SLC9A9: variants seen among roughly 807,000 people sequenced by gnomAD.
SLC9A9 encodes sodium/hydrogen exchanger 9.
A neutral mutation model predicts 77.8 loss-of-function variants in SLC9A9; 62 were observed. The observed-to-expected ratio is 0.80, with a 90% CI of 0.65 to 0.98. The LOEUF (loss-of-function observed/expected upper bound fraction) is 0.98, where lower values mean the gene tolerates loss of function less well. Among genes scored for constraint, SLC9A9 ranks in the 50% least tolerant of loss-of-function variants. The pLI is 0.00. For missense variants in SLC9A9, 775 were observed against 774.9 expected, an observed-to-expected ratio of 1.00 and a Z score of 0.00; for synonymous variants, 320 against 283.5, an observed-to-expected ratio of 1.13 and a Z score of -1.29.
intron 1 of SLC9A9, among the ~76,000 whole-genome samples, chr3:143,840,161 C>A (rs970805474): frequency 1.3e-5 from 2 of 152,214 alleles, no homozygotes; most frequent in African/African-American, 4.8e-5. Flanking sequence ...GGGCTGTGAA[C>A]TACATATTTG....
At chr3:143,571,530 T>C (rs538875484) in intron 8 of SLC9A9, among the ~76,000 whole-genome samples, 94 of 152,262 alleles carry the variant, frequency 6.2e-4, no homozygotes, top group African/African-American at 2.2e-3. Flanking sequence ...ACACTGTCCA[T>C]TCTGGTGTTC....
chr3:143,712,573 T>A (rs547260996), intron 4 of SLC9A9, among the ~76,000 whole-genome samples: 165 of 150,596 alleles, frequency 1.1e-3, no homozygotes, highest in African/African-American at 3.8e-3. Flanking sequence ...AGCTGTTTCT[T>A]CTTTTCCTCC....
intron 9 of SLC9A9, among the ~76,000 whole-genome samples, chr3:143,530,706 G>A (rs1348450654): frequency 6.6e-6 from 1 of 152,172 alleles, no homozygotes; most frequent in African/African-American, 2.4e-5. Context: ...AATAGTTTTT[G>A]CAACATGAAG....
At chr3:143,463,485 G>T (rs1454956555) in intron 12 of SLC9A9, among the ~76,000 whole-genome samples, 1 of 152,154 alleles carries the variant, frequency 6.6e-6, no homozygotes, top group Non-Finnish European at 1.5e-5. Context: ...GCTTTTGTAG[G>T]GCAAAGCCTA....
At chr3:143,353,614 TA>T (rs990778757) in intron 14 of SLC9A9, among the ~76,000 whole-genome samples, 1 of 152,100 alleles carries the variant, frequency 6.6e-6, no homozygotes, top group Non-Finnish European at 1.5e-5. Context: ...CTGAACAAAC[TA>T]AAAAAACACT....
chr3:143,407,535 C>T (rs142593014), intron 12 of SLC9A9, among the ~76,000 whole-genome samples: 17 of 152,232 alleles, frequency 1.1e-4, no homozygotes, highest in African/African-American at 3.9e-4. Context: ...AAGAACATAT[C>T]CATTATCCTT....
intron 9 of SLC9A9, among the ~76,000 whole-genome samples, chr3:143,523,645 TG>T (rs1339513768): frequency 6.6e-6 from 1 of 152,158 alleles, no homozygotes; most frequent in Non-Finnish European, 1.5e-5. Flanking sequence ...ATACCTACTG[TG>T]CAAACTTGTT....
intron 14 of SLC9A9, among the ~76,000 whole-genome samples, chr3:143,332,265 G>T (rs1162446336): frequency 6.6e-6 from 1 of 151,574 alleles, no homozygotes; most frequent in Non-Finnish European, 1.5e-5. Flanking sequence ...CTGAGCCCAG[G>T]CCAACCCTTG....
At chr3:143,329,694 C>A (rs1228644273) in intron 14 of SLC9A9, among the ~76,000 whole-genome samples, 1 of 152,134 alleles carries the variant, frequency 6.6e-6, no homozygotes, top group Admixed American at 6.5e-5. Context: ...CCATTCATCT[C>A]CCTAGCTGCT....
chr3:143,567,926 T>A (rs576255434), intron 8 of SLC9A9, among the ~76,000 whole-genome samples: 32 of 152,192 alleles, frequency 2.1e-4, no homozygotes, highest in Non-Finnish European at 3.7e-4. Flanking sequence ...CTAGAGGCTG[T>A]GCCGTCTTTG....
intron 2 of SLC9A9, among the ~76,000 whole-genome samples, chr3:143,799,334 A>G (rs144417543): frequency 4.4e-4 from 67 of 152,308 alleles, no homozygotes; most frequent in African/African-American, 1.5e-3. Context: ...TTCGAAAATT[A>G]AATTCCAGCT....
chr3:143,732,890 C>T (rs548106884), intron 4 of SLC9A9, among the ~76,000 whole-genome samples: 50 of 152,288 alleles, frequency 3.3e-4, no homozygotes, highest in African/African-American at 1.1e-3. Flanking sequence ...TCAGTCGCAA[C>T]ATAAGGCTGT....
intron 6 of SLC9A9, among the ~76,000 whole-genome samples, chr3:143,622,829 T>TAA (rs748198429): frequency 0.014 from 2,083 of 151,634 alleles, 43 homozygotes; most frequent in African/African-American, 0.047. Context: ...GCAAATTTGA[T>TAA]AGAGTCAAGA....
chr3:143,809,048 TG>T (rs1488180630), intron 2 of SLC9A9, among the ~76,000 whole-genome samples: 2 of 152,248 alleles, frequency 1.3e-5, no homozygotes, highest in Non-Finnish European at 2.9e-5. Flanking sequence ...ACACCATTAT[TG>T]ATCTATTTTT....
chr3:143,848,185 G>A lies in SLC9A9; in HGVS notation c.138C>T (p.Phe46=). 1 of 1,614,004 alleles carries A rather than the reference G, an allele frequency of 6.2e-7. No homozygotes were observed. Among genetic ancestry groups the A allele is most frequent in the Non-Finnish European group, 8.5e-7 (1 of 1,179,926 alleles). Residue 46 remains phenylalanine (F), a synonymous_variant, in exon 1 of 16, where the codon TTC becomes TTT. Transcript: ENST00000316549. Reference sequence around the variant, plus strand: ...CTCCTCCAGTTTCATGCAAGAAGCGGAATCGATGATTTTTAAATAACCAGA... The same window carrying A: ...CTCCTCCAGTTTCATGCAAGAAGCGAAATCGATGATTTTTAAATAACCAGA... ...LTIWLFKNHR[F]RFLHETGGAM...
At chr3:143,510,120 G>A (rs1004583629) in intron 9 of SLC9A9, among the ~76,000 whole-genome samples, 2 of 152,186 alleles carry the variant, frequency 1.3e-5, no homozygotes, top group African/African-American at 4.8e-5. Context: ...TAAATATGCA[G>A]AAAGACTTGA....
intron 7 of SLC9A9, among the ~76,000 whole-genome samples, chr3:143,577,994 C>A (rs2037389740): frequency 6.6e-6 from 1 of 152,174 alleles, no homozygotes; most frequent in African/African-American, 2.4e-5. Context: ...CTCCATCTAT[C>A]ATCCCAACTT....
intron 9 of SLC9A9, among the ~76,000 whole-genome samples, chr3:143,508,792 T>C (rs2036069431): frequency 6.6e-6 from 1 of 152,216 alleles, no homozygotes; most frequent in Non-Finnish European, 1.5e-5. Context: ...TTTTGGGTCA[T>C]CTTTTGGGTA....
chr3:143,363,640 G>C (rs1211865520), intron 13 of SLC9A9, 77 bp from the exon 14 acceptor site: 1 of 1,336,050 alleles, frequency 7.5e-7, no homozygotes, highest in Non-Finnish European at 1.1e-6. Context: ...GTCAAACCAA[G>C]TTAAATTTAA....
Sources: allele counts gnomAD v4.1 joint callset (sites outside exome capture counted in the v4.1 genomes callset), GRCh38; gene constraint gnomAD v4.1.1; transcripts MANE v1.5; gene names NCBI Gene and HGNC (gene_info 2026-07-23, HGNC 2026-07-21).